Variants in COX15 observed in about 807,000 individuals in gnomAD.
COX15 encodes heme A synthase COX15.
Under a neutral mutation model 51.9 loss-of-function variants are expected in COX15, and 51 were observed. That is an observed-to-expected ratio of 0.98 (90% CI 0.78 to 1.24). The LOEUF (loss-of-function observed/expected upper bound fraction) is 1.24, where lower values mean the gene tolerates loss of function less well. COX15 is among the 50% of genes most tolerant of loss of function. The pLI is 0.00. For synonymous variants in COX15, 188 were observed against 190.5 expected, an observed-to-expected ratio of 0.99 and a Z score of 0.11; for missense variants, 420 against 501.1, an observed-to-expected ratio of 0.84 and a Z score of 1.55.
the COX15 span, chr10:99,698,559 A>T: frequency 1.2e-6 from 2 of 1,614,142 alleles, no homozygotes; most frequent in Admixed American, 3.3e-5. Flanking sequence ...GACAGGTCTG[A>T]GTCCCGACAA....
downstream of COX15, chr10:99,710,659 T>A: frequency 1.0e-6 from 1 of 985,058 alleles, no homozygotes; most frequent in Non-Finnish European, 1.2e-6. Context: ...GGGACATGGG[T>A]ATATGTGTTA....
intron 6 of COX15, among the ~76,000 whole-genome samples, chr10:99,720,425 A>G (rs2036724397): frequency 6.6e-6 from 1 of 152,126 alleles, no homozygotes; most frequent in South Asian, 2.1e-4. Flanking sequence ...CAGCCTGGGC[A>G]ACAGAGTGAG....
chr10:99,696,607 TAGTC>T, the COX15 span, among the ~76,000 whole-genome samples: 1 of 152,244 alleles, frequency 6.6e-6, no homozygotes, highest in African/African-American at 2.4e-5. Context: ...AAATTCATAA[TAGTC>T]AGTTTTTCCT....
At position 99,727,538 on chromosome 10, in the gene COX15, C is replaced by T. The variant is rs2036999491; in HGVS notation, c.298G>A (p.Val100Ile). The change falls in exon 3 of 9, where the codon GTA (valine) becomes ATA (isoleucine). Residue 100 changes from valine to isoleucine, a missense_variant. Val to Ile is a conservative substitution (Grantham distance 29). Coordinates refer to ENST00000016171, the MANE Select transcript of COX15 (RefSeq NM_078470.6). ...ATCTCCTTTATTAAATGCCAATCTA[C>T]CATCGAGAGGCCAGACTCTGTCAAC... is the stretch of plus-strand genomic sequence containing the variant. ...TRLTESGLSM[V>I]DWHLIKEMKP... 7 of 1,613,758 alleles carry T rather than the reference C, an allele frequency of 4.3e-6. No individual in the cohort carries two copies. The highest frequency in any genetic ancestry group is 4.0e-5 in the African/African-American group (3 of 75,006).
At chr10:99,701,645 A>G in the COX15 span, among the ~76,000 whole-genome samples, 3 of 152,114 alleles carry the variant, frequency 2.0e-5, no homozygotes, top group African/African-American at 7.2e-5. Context: ...ATAGAAAAGT[A>G]GAGAGAATAG....
rs1168680698 is a variant in COX15, at chr10:99,731,983, G to A, written c.67C>T (p.Pro23Ser). Residue 23 changes from proline to serine, a missense_variant, in exon 1 of 9, where the codon CCT (proline) becomes TCT (serine). Pro to Ser is a moderately conservative substitution (Grantham distance 74). Coordinates refer to ENST00000016171, the MANE Select transcript of COX15 (RefSeq NM_078470.6). ...ACCTGTGCTCTAGGCGCTGCCCTAG[G>A]AGCCAGGAGCGGCAGATACTGCCTC... ...KGRQYLPLLA[P>S]RAAPRAQCDC... is the part of the protein sequence containing the mutation. 1.2e-6 allele frequency: 2 copies of A among 1,612,342 alleles called. No individual in the cohort carries two copies. The highest frequency in any genetic ancestry group is 2.7e-5 in the African/African-American group (2 of 75,048).
downstream of COX15, among the ~76,000 whole-genome samples, chr10:99,706,423 C>T (rs1295315926): frequency 2.0e-5 from 3 of 151,838 alleles, no homozygotes; most frequent in African/African-American, 7.3e-5. Flanking sequence ...GCAGCCTCAA[C>T]CTCCTGGGCT....
In COX15 at chr10:99,716,476, G is replaced by A. The variant is rs1363832267; in HGVS notation, c.988-15C>T. 1 of 1,562,338 alleles carries A rather than the reference G, an allele frequency of 6.4e-7. No individual in the cohort carries two copies. Among genetic ancestry groups the A allele is most frequent in the East Asian group, 2.2e-5 (1 of 44,566 alleles). The stretch of plus-strand genomic sequence containing the variant: ...GAAGTGATTCCCTGCAGGGAAGAAA[G>A]AGTCTATCACATTAGATAGAAGTGC... On this transcript the variant is annotated splice_polypyrimidine_tract_variant and intron_variant, in intron 7 of 8. Transcript: ENST00000016171.
the COX15 span, chr10:99,704,349 A>G: frequency 8.9e-7 from 1 of 1,124,780 alleles, no homozygotes. Flanking sequence ...GTTTATGTGG[A>G]TGGAATAAAT....
chr10:99,713,590 A>G lies in COX15; in HGVS notation c.*997T>C. 1 of 1,504,808 alleles carries G rather than the reference A, an allele frequency of 6.6e-7. No individual in the cohort carries two copies. The highest frequency in any genetic ancestry group is 2.5e-5 in the East Asian group (1 of 40,568). 93.2% of individuals were successfully genotyped at this position (1,504,808 alleles called of 1,614,324 possible). On this transcript the variant is annotated 3_prime_UTR_variant, in exon 9 of 9. Transcript: ENST00000016171. ...ATCAAGGCCATATTTTTCTTATTAC[A>G]AAGCTGTTAGGAAACCCTCTCAGGA...
intron 5 of COX15, among the ~76,000 whole-genome samples, chr10:99,722,110 C>T (rs2036794441): frequency 6.6e-6 from 1 of 152,142 alleles, no homozygotes; most frequent in African/African-American, 2.4e-5. Context: ...AAATGATCCA[C>T]CCGCCTCAGC....
At chr10:99,703,248 C>CA in the COX15 span, among the ~76,000 whole-genome samples, 182 of 152,242 alleles carry the variant, frequency 1.2e-3, no homozygotes, top group East Asian at 0.014. Flanking sequence ...TTTTTAGGTA[C>CA]CTGTACCCTG....
the COX15 span, chr10:99,702,660 T>G: frequency 6.2e-7 from 1 of 1,611,216 alleles, no homozygotes; most frequent in Non-Finnish European, 8.5e-7. Context: ...TAAAACACGA[T>G]TCTTACCACT....
chr10:99,708,717 A>G (rs1423935468), downstream of COX15: 1 of 536,972 alleles, frequency 1.9e-6, no homozygotes, highest in Non-Finnish European at 2.4e-6. Context: ...AATAAATTTC[A>G]GAAGAGTTTT....
At chr10:99,698,720 A>G in the COX15 span, 2 of 1,614,214 alleles carry the variant, frequency 1.2e-6, no homozygotes, top group Non-Finnish European at 1.7e-6. Flanking sequence ...GCCAGGCCTC[A>G]CTCAATGGCA....
rs1290128507 is a variant in COX15 at position 99,712,976 on chromosome 10, CT to C, written c.*1610del. On this transcript the variant is annotated 3_prime_UTR_variant, in exon 9 of 9. Coordinates refer to ENST00000016171, the MANE Select transcript of COX15 (RefSeq NM_078470.6). ...AGTTAAATATCCCTAGTTCCTTCAC[CT>C]ATTCCCTGTGTGACAGGGGTTCTGG... is the stretch of plus-strand genomic sequence containing the variant. 9.9e-7 allele frequency: 1 copy of C among 1,008,230 alleles called. No homozygotes were observed. The highest frequency in any genetic ancestry group is 1.2e-6 in the Non-Finnish European group (1 of 833,944). 62.5% of individuals were successfully genotyped at this position (1,008,230 alleles called of 1,614,324 possible).
intron 1 of COX15, among the ~76,000 whole-genome samples, chr10:99,730,436 T>C (rs914775756): frequency 6.6e-6 from 1 of 151,906 alleles, no homozygotes; most frequent in African/African-American, 2.4e-5. Flanking sequence ...ATACAAAAAT[T>C]AGCTGGGCAT....
the COX15 span, chr10:99,704,627 G>A: frequency 1.2e-6 from 2 of 1,614,018 alleles, no homozygotes; most frequent in African/African-American, 2.7e-5. Flanking sequence ...AGCTCCATTG[G>A]ACTTGCTGTG....
downstream of COX15, chr10:99,709,282 A>G: frequency 1.0e-6 from 1 of 985,388 alleles, no homozygotes; most frequent in African/African-American, 1.7e-5. Context: ...AACTTTTCAA[A>G]TTAATTCAAA....
Sources: allele counts gnomAD v4.1 joint callset (sites outside exome capture counted in the v4.1 genomes callset), GRCh38; gene constraint gnomAD v4.1.1; transcripts MANE v1.5; gene names NCBI Gene and HGNC (gene_info 2026-07-23, HGNC 2026-07-21).